The following RPL6 variants were observed in gnomAD, a reference collection of about 807,000 sequenced individuals.
RPL6 encodes the protein ribosomal protein L6, also known as large ribosomal subunit protein eL6.
A neutral mutation model predicts 32.1 loss-of-function variants in RPL6; 1 was observed. That is an observed-to-expected ratio of 0.03 (90% confidence interval 0.01 to 0.15). RPL6 has a LOEUF of 0.15. Among genes scored for constraint, RPL6 ranks in the 10% least tolerant of loss-of-function variants. The pLI is 1.00. For missense variants in RPL6, 275 were observed against 354.6 expected (o/e 0.78, Z 1.80); for synonymous variants, 126 against 131.6 (o/e 0.96, Z 0.29).
At position 112,408,494 on chromosome 12, in the gene RPL6, C is replaced by G. The variant is rs759159408; in HGVS notation, c.163G>C (p.Gly55Arg). ...SRNPVLVRGI[G>R]RYSRSAMYSR... ...TACATGGCAGATCGGGAATACCTGC[C>G]AATTCCTCTGACAAGGACAGGGTTG... Residue 55 changes from glycine to arginine, a missense_variant, in exon 2 of 7, where the codon GGC (glycine) becomes CGC (arginine). Physicochemically the swap from Gly to Arg is moderately radical, Grantham distance 125. Coordinates refer to ENST00000202773, the MANE Select transcript of RPL6 (RefSeq NM_000970.6). 6.2e-7 allele frequency: 1 copy of G among 1,613,850 alleles called. No homozygotes were observed. Among genetic ancestry groups the G allele is most frequent in the African/African-American group, 1.3e-5 (1 of 74,922 alleles).
upstream of RPL6, chr12:112,411,519 T>G (rs1483262369): frequency 6.6e-6 from 1 of 152,174 alleles, no homozygotes; most frequent in Non-Finnish European, 1.5e-5. Context: ...CTTTATTTGT[T>G]TAGCTTCCTC....
At chr12:112,405,436 A>T (rs1594101587) in intron 6 of RPL6, 60 bp from the exon 7 acceptor site, 1 of 1,521,046 alleles carries the variant, frequency 6.6e-7, no homozygotes, top group Non-Finnish European at 9.0e-7. Flanking sequence ...CTTGTAGGTC[A>T]ACTAAGGAGT....
chr12:112,406,255 G>T lies in RPL6; in HGVS notation c.529+39C>A, dbSNP rs747657727. The T allele has an allele frequency of 3.2e-6, 5 of 1,564,072 alleles. No homozygotes were observed. In the African/African-American group the frequency reaches 6.8e-5, roughly 21 times the overall value. The stretch of plus-strand genomic sequence containing the variant: ...TGTATACTGCAAGCATTTAAAAATG[G>T]AAGTTTCACAGAACATCACAATCCA... On this transcript the variant is annotated intron_variant, in intron 5 of 6. Coordinates refer to ENST00000202773, the MANE Select transcript of RPL6 (RefSeq NM_000970.6).
At chr12:112,412,468 C>T (rs1255315516), upstream of RPL6, among the ~76,000 whole-genome samples, 1 of 151,732 alleles carries the variant, frequency 6.6e-6, no homozygotes, top group African/African-American at 2.4e-5. Flanking sequence ...AGCCACCTCG[C>T]CCAGCCTAAT....
chr12:112,405,427 T>C, intron 6 of RPL6, 51 bp from the exon 7 acceptor site: 1 of 1,575,978 alleles, frequency 6.3e-7, no homozygotes, highest in East Asian at 2.3e-5. Flanking sequence ...ACCAAATTAC[T>C]TGTAGGTCAA....
intron 1 of RPL6, among the ~76,000 whole-genome samples, chr12:112,416,789 G>T (rs954281469): frequency 2.0e-5 from 3 of 152,192 alleles, no homozygotes; most frequent in Non-Finnish European, 4.4e-5. Context: ...AGGCCTGCAG[G>T]CCTGAGATCA....
intron 3 of RPL6, chr12:112,407,999 C>A (rs2037227320): frequency 6.1e-6 from 3 of 494,396 alleles, no homozygotes; most frequent in South Asian, 4.6e-5. Flanking sequence ...GGATTACAGG[C>A]ATTAGCCACC....
upstream of RPL6, among the ~76,000 whole-genome samples, chr12:112,412,970 C>A (rs2037358936): frequency 1.3e-5 from 2 of 151,442 alleles, no homozygotes; most frequent in Admixed American, 1.3e-4. Flanking sequence ...AGAAAAATAT[C>A]TTTATATGTG....
chr12:112,409,565 C>G, intron 1 of RPL6, 22 bp downstream of exon 1: 1 of 398,494 alleles, frequency 2.5e-6, no homozygotes, highest in African/African-American at 2.1e-5. Context: ...TCAAGTCTTG[C>G]AGACAGGCCC....
intron 6 of RPL6, 170 bp downstream of exon 6, chr12:112,405,683 C>A: frequency 1.5e-6 from 1 of 658,104 alleles, no homozygotes; most frequent in Non-Finnish European, 2.5e-6. Context: ...AGTTGAGCTC[C>A]CAGACTGCCA....
At chr12:112,409,644 G>GA (rs1204216116), upstream of RPL6, 8 of 396,636 alleles carry the variant, frequency 2.0e-5, no homozygotes, top group African/African-American at 1.0e-4. Context: ...GCAATCATGG[G>GA]AAGTGCGAGT....
chr12:112,408,028 A>G (rs2037228115), intron 3 of RPL6: 1 of 564,956 alleles, frequency 1.8e-6, no homozygotes, highest in Non-Finnish European at 3.1e-6. Flanking sequence ...CCTCATTCCC[A>G]TATTATATGC....
chr12:112,408,806 A>G (rs2037264984), intron 1 of RPL6, 150 bp from the exon 2 acceptor site: 1 of 665,202 alleles, frequency 1.5e-6, no homozygotes, highest in South Asian at 2.0e-5. Flanking sequence ...AACTCTACCC[A>G]TTCTACTCCA....
chr12:112,409,571 G>T lies in RPL6; in HGVS notation c.-1+16C>A, dbSNP rs1184024570. ...GTCCTGAACTCAAGTCTTGCAGACA[G>T]GCCCGCGATTCTTACCTTGCAAGAT... is the stretch of plus-strand genomic sequence containing the variant. On this transcript the variant is annotated intron_variant, in intron 1 of 6. Transcript: ENST00000202773. 5.0e-6 allele frequency: 2 copies of T among 398,520 alleles called. No homozygotes were observed. Among genetic ancestry groups the T allele is most frequent in the Admixed American group, 4.4e-5 (1 of 22,712 alleles). The allele number at this position is 398,520 out of a possible 1,614,324, so 24.7% of individuals were successfully genotyped here.
chr12:112,417,424 G>T (rs1258921652), intron 1 of RPL6, among the ~76,000 whole-genome samples: 2 of 151,790 alleles, frequency 1.3e-5, no homozygotes, highest in African/African-American at 4.8e-5. Context: ...TCTCAATCTG[G>T]TCTGAGCTAC....
At chr12:112,413,187 A>G (rs897059550), upstream of RPL6, among the ~76,000 whole-genome samples, 6 of 152,318 alleles carry the variant, frequency 3.9e-5, no homozygotes, top group African/African-American at 1.2e-4. Context: ...AGAAATTCAA[A>G]TAAAGTAATG....
In RPL6 at chr12:112,405,998, T is replaced by C. The variant is rs374239407; in HGVS notation, c.569A>G (p.His190Arg). The C allele has an allele frequency of 1.2e-6, 2 of 1,614,168 alleles. No individual in the cohort carries two copies. The highest frequency in any genetic ancestry group is 1.7e-6 in the Non-Finnish European group (2 of 1,180,014). The change falls in exon 6 of 7, where the codon CAC becomes CGC. Residue 190 changes from histidine to arginine, a missense_variant. Coordinates refer to ENST00000202773, the MANE Select transcript of RPL6 (RefSeq NM_000970.6). ...TGAAGTGGCAATGACAAATTTCTGG[T>C]GTGTTCTTCGTAGAGGAACTCGATT... is the stretch of plus-strand genomic sequence containing the variant. The part of the protein sequence containing the change: ...VLNRVPLRRT[H>R]QKFVIATSTK...
upstream of RPL6, among the ~76,000 whole-genome samples, chr12:112,412,204 T>C (rs2037349568): frequency 6.6e-6 from 1 of 152,086 alleles, no homozygotes; most frequent in Admixed American, 6.6e-5. Context: ...CATGCCTGAC[T>C]AATTTTTTGT....
At chr12:112,412,987 A>G (rs2037359078), upstream of RPL6, among the ~76,000 whole-genome samples, 1 of 152,066 alleles carries the variant, frequency 6.6e-6, no homozygotes, top group South Asian at 2.1e-4. Flanking sequence ...TGTGTTATGT[A>G]TGTGTGTGAG....
Sources: gnomAD v4.1 joint callset for allele counts (sites outside exome capture counted in the v4.1 genomes callset) on GRCh38, gnomAD v4.1.1 for gene constraint, MANE v1.5 for transcripts, NCBI Gene and HGNC (gene_info 2026-07-23, HGNC 2026-07-21) for gene names.